The following EYA3 variants were observed in gnomAD, a reference collection of about 807,000 sequenced individuals.
EYA3 encodes EYA transcriptional coactivator and phosphatase 3.
Under a neutral mutation model 80.0 loss-of-function variants are expected in EYA3, and 39 were observed. That is an observed-to-expected ratio of 0.49 (90% confidence interval 0.38 to 0.64). The LOEUF (loss-of-function observed/expected upper bound fraction) is 0.64. Ranked by LOEUF, EYA3 falls within the 30% of genes least tolerant of loss-of-function variation. EYA3 has a pLI of 0.00. For missense variants in EYA3, 523 were observed against 676.1 expected (o/e 0.77, Z 2.51); for synonymous variants, 206 against 232.8 (o/e 0.88, Z 1.05).
intron 3 of EYA3, among the ~76,000 whole-genome samples, chr1:28,043,860 C>T (rs1289913277): frequency 1.3e-5 from 2 of 152,030 alleles, no homozygotes; most frequent in Non-Finnish European, 2.9e-5. Flanking sequence ...AACAAACAAA[C>T]AAACAAACAA....
chr1:27,977,373 T>G (rs1213716287), intron 17 of EYA3: 12 of 1,550,398 alleles, frequency 7.7e-6, no homozygotes, highest in Non-Finnish European at 1.0e-5. Flanking sequence ...TGCCTCCATG[T>G]CTAAGAAATA....
chr1:27,993,063 C>CA (rs374229824), intron 14 of EYA3, among the ~76,000 whole-genome samples: 1,527 of 142,958 alleles, frequency 0.011, 7 homozygotes, highest in African/African-American at 0.013. Flanking sequence ...ATAAACCAGC[C>CA]AAAAAAAAAA....
At chr1:28,000,375 C>T (rs1226784955) in intron 11 of EYA3, among the ~76,000 whole-genome samples, 1 of 151,622 alleles carries the variant, frequency 6.6e-6, no homozygotes, top group Non-Finnish European at 1.5e-5. Flanking sequence ...TGCAGTGGTG[C>T]AATCTTGGCT....
chr1:28,079,795 CTTT>C (rs761445915), intron 1 of EYA3, among the ~76,000 whole-genome samples: 2 of 140,080 alleles, frequency 1.4e-5, no homozygotes, highest in Non-Finnish European at 1.6e-5. Context: ...TAAACATTTT[CTTT>C]TTTTTTTTTT....
At chr1:28,087,408 TAAGTA>T (rs1419468483) in intron 1 of EYA3, among the ~76,000 whole-genome samples, 1 of 152,194 alleles carries the variant, frequency 6.6e-6, no homozygotes, top group Admixed American at 6.5e-5. Context: ...AATGTAATTC[TAAGTA>T]AAGTCTGGCT....
intron 5 of EYA3, among the ~76,000 whole-genome samples, chr1:28,036,042 C>T (rs537215202): frequency 2.0e-5 from 3 of 152,196 alleles, no homozygotes; most frequent in South Asian, 2.1e-4. Context: ...CTCGAACTCC[C>T]GACCTCAAGT....
chr1:28,049,579 A>G (rs1644162436), intron 2 of EYA3, among the ~76,000 whole-genome samples: 1 of 152,230 alleles, frequency 6.6e-6, no homozygotes, highest in African/African-American at 2.4e-5. Flanking sequence ...CTTCTATATG[A>G]TAAAAGACAC....
chr1:27,975,646 C>T lies in EYA3; in HGVS notation c.1642-1100G>A, dbSNP rs149963412. Among the ~76,000 whole-genome samples the T allele has an allele frequency of 9.2e-3, 1,390 of 151,654 alleles. 10 individuals carry two copies. The highest frequency in any genetic ancestry group is 0.017 in the African/African-American group (693 of 41,312). ...GACTACAGGTGCCTGCCATCACACC[C>T]GGCTAATTTTTTACATTTTTAGTAG... On this transcript the variant is annotated intron_variant, in intron 17 of 17. Coordinates refer to ENST00000373871, the MANE Select transcript of EYA3 (RefSeq NM_001990.4).
At chr1:27,997,506 G>C in intron 12 of EYA3, 128 bp from the exon 13 acceptor site, 3 of 806,266 alleles carry the variant, frequency 3.7e-6, no homozygotes, top group Non-Finnish European at 6.3e-6. Context: ...CTTATGTGTG[G>C]GTGATCACTC....
chr1:27,978,590 T>C (rs1639099336), intron 16 of EYA3, 116 bp from the exon 17 acceptor site: 4 of 742,322 alleles, frequency 5.4e-6, no homozygotes, highest in African/African-American at 1.7e-5. Flanking sequence ...TGACAGCCCA[T>C]GTAGTTTGCT....
chr1:28,039,042 T>C (rs1161668653), intron 4 of EYA3, 137 bp from the exon 5 acceptor site: 1 of 484,220 alleles, frequency 2.1e-6, no homozygotes, highest in Non-Finnish European at 3.6e-6. Context: ...AAAGACTATG[T>C]GGTAGAAAAT....
At chr1:28,026,142 T>C (rs1359854254) in intron 7 of EYA3, among the ~76,000 whole-genome samples, 6 of 152,258 alleles carry the variant, frequency 3.9e-5, no homozygotes, top group Non-Finnish European at 7.3e-5. Context: ...AGCACAGCTA[T>C]CACATTCCTC....
At chr1:27,995,286 C>G (rs892147271) in intron 13 of EYA3, among the ~76,000 whole-genome samples, 22 of 151,734 alleles carry the variant, frequency 1.4e-4, no homozygotes, top group Non-Finnish European at 2.6e-4. Flanking sequence ...GTGGCATGCG[C>G]CTGTGGGCCC....
chr1:27,985,705 C>T (rs988425125), intron 16 of EYA3, among the ~76,000 whole-genome samples: 26 of 152,270 alleles, frequency 1.7e-4, no homozygotes, highest in African/African-American at 6.0e-4. Flanking sequence ...CCTCAGCCTC[C>T]CGAGTAACTG....
intron 14 of EYA3, among the ~76,000 whole-genome samples, chr1:27,992,973 A>G (rs7549174): frequency 0.34 from 50,972 of 151,908 alleles, 8,704 homozygotes; most frequent in East Asian, 0.5. Flanking sequence ...CATTGATACT[A>G]CCAACCTACA....
chr1:28,057,953 T>C (rs571641327), intron 2 of EYA3, 41 bp downstream of exon 2: 1 of 1,221,250 alleles, frequency 8.2e-7, no homozygotes, highest in Non-Finnish European at 1.2e-6. Context: ...TAAGATTAGC[T>C]CTTCTACAAT....
At chr1:28,030,011 G>A (rs1454905781) in intron 6 of EYA3, among the ~76,000 whole-genome samples, 1 of 152,136 alleles carries the variant, frequency 6.6e-6, no homozygotes, top group Non-Finnish European at 1.5e-5. Flanking sequence ...CACATTCCAT[G>A]TATGATATCA....
chr1:27,998,680 C>T (rs1227985244), intron 12 of EYA3, among the ~76,000 whole-genome samples: 1 of 149,900 alleles, frequency 6.7e-6, no homozygotes. Context: ...TTGAGACCAG[C>T]CTGGGCAATA....
chr1:28,070,977 C>T (rs1645000863), intron 1 of EYA3, among the ~76,000 whole-genome samples: 1 of 152,186 alleles, frequency 6.6e-6, no homozygotes, highest in African/African-American at 2.4e-5. Flanking sequence ...GGCTGGAGTG[C>T]AATGGCGCAC....
Sources: allele counts gnomAD v4.1 joint callset (sites outside exome capture counted in the v4.1 genomes callset), GRCh38; gene constraint gnomAD v4.1.1; transcripts MANE v1.5; gene names NCBI Gene and HGNC (gene_info 2026-07-23, HGNC 2026-07-21).